Variants in PLS3 observed in about 807,000 individuals in gnomAD.
PLS3 encodes plastin 3, also known as plastin-3.
A neutral mutation model predicts 46.5 loss-of-function variants in PLS3; 11 were observed. The ratio of observed to expected loss-of-function variants is 0.24; its 90% confidence interval spans 0.15 to 0.39. PLS3 has a LOEUF of 0.39. PLS3 is among the 10% of genes least tolerant of loss of function. The pLI is 1.00. For missense variants in PLS3, 308 were observed against 461.8 expected, an observed-to-expected ratio of 0.67 and a Z score of 3.05; for synonymous variants, 167 against 162.2, an observed-to-expected ratio of 1.03 and a Z score of -0.22.
chrX:115,615,873 T>A (rs1350129099), intron 2 of PLS3, among the ~76,000 whole-genome samples: 1 of 111,863 alleles, frequency 8.9e-6, no homozygotes, highest in East Asian at 2.8e-4. Flanking sequence ...ATGTCTGCTT[T>A]ATCAGCTGGT....
chrX:115,631,372 A>G (rs956119424), intron 5 of PLS3, among the ~76,000 whole-genome samples: 1 of 109,779 alleles, frequency 9.1e-6, no homozygotes, highest in Non-Finnish European at 1.9e-5. Flanking sequence ...CGCCCGGCTG[A>G]CAGTATATAT....
chrX:115,634,323 A>G (rs1291147742), intron 6 of PLS3, among the ~76,000 whole-genome samples: 1 of 112,066 alleles, frequency 8.9e-6, no homozygotes, highest in Admixed American at 9.5e-5. Context: ...TGTTCTTTTC[A>G]TTTCATAATG....
rs2074805768 is a variant in PLS3 at position 115,634,068 on chromosome X, C to A, written c.569C>A (p.Pro190His). 8.9e-7 allele frequency: 1 copy of A among 1,125,044 alleles called. No homozygotes were observed. 92.7% of individuals were successfully genotyped at this position (1,125,044 alleles called of 1,213,427 possible). ...GCAATCAACAAGAAGAAACTTACAC[C>A]CTTCATCATTCAGGTATGCATTGTT... ...ERAINKKKLT[P>H]FIIQENLNLA... Residue 190 changes from proline to histidine, a missense_variant, in exon 6 of 16, where the codon CCC (proline) becomes CAC (histidine). Physicochemically the swap from Pro to His is moderately conservative, Grantham distance 77 (BLOSUM62 -2). Coordinates refer to ENST00000355899, the MANE Select transcript of PLS3 (RefSeq NM_005032.7).
intron 9 of PLS3, 67 bp from the exon 10 acceptor site, chrX:115,643,236 CCAGACTATGA>C (rs1556641227): frequency 1.6e-6 from 1 of 610,663 alleles, no homozygotes; most frequent in African/African-American, 2.3e-5. Flanking sequence ...AACTGTATAC[CCAGACTATGA>C]CAGTGGGGAA....
At chrX:115,628,161 G>C (rs186596165) in intron 3 of PLS3, among the ~76,000 whole-genome samples, 29 of 112,185 alleles carry the variant, frequency 2.6e-4, no homozygotes, top group South Asian at 1.1e-3. Context: ...GCTTCTGCTC[G>C]TGCCTGCTCT....
intron 1 of PLS3, among the ~76,000 whole-genome samples, chrX:115,566,677 CGTTTT>C (rs781786486): frequency 2.9e-5 from 3 of 105,024 alleles, no homozygotes; most frequent in Admixed American, 1.0e-4. Flanking sequence ...GCGCCCGGCC[CGTTTT>C]GTTTTGTTTT....
At chrX:115,577,090 G>A (rs1220834953) in intron 1 of PLS3, among the ~76,000 whole-genome samples, 1 of 112,069 alleles carries the variant, frequency 8.9e-6, no homozygotes, top group African/African-American at 3.2e-5. Context: ...TAAACTCCAT[G>A]TCCAGGGTCA....
In PLS3 at chrX:115,570,746, T is replaced by C. The variant is rs782344401; in HGVS notation, c.-9+9486T>C. Among the ~76,000 whole-genome samples the C allele has an allele frequency of 9.1e-5, 10 of 109,503 alleles. No homozygotes were observed. The South Asian group carries it at 4.0e-3, about 44-fold the overall frequency. ...CCCAGGCTGGCAAGATTTTAGAAAT[T>C]AGTGGGGTTTTTTGTGTTTTATTTA... is the stretch of plus-strand genomic sequence containing the variant. On this transcript the variant is annotated intron_variant, in intron 1 of 15. Coordinates refer to ENST00000355899, the MANE Select transcript of PLS3 (RefSeq NM_005032.7).
intron 1 of PLS3, among the ~76,000 whole-genome samples, chrX:115,573,396 G>T (rs1556630902): frequency 8.9e-6 from 1 of 112,020 alleles, no homozygotes. Context: ...GAATAAAATA[G>T]CCCTTTGGCA....
chrX:115,584,785 C>A (rs2074297673), intron 1 of PLS3, among the ~76,000 whole-genome samples: 1 of 111,675 alleles, frequency 9.0e-6, no homozygotes, highest in African/African-American at 3.3e-5. Flanking sequence ...TTAATGCTCC[C>A]TGTGGAAAAT....
intron 1 of PLS3, among the ~76,000 whole-genome samples, chrX:115,607,889 C>T (rs1416477932): frequency 9.0e-5 from 10 of 111,708 alleles, no homozygotes; most frequent in African/African-American, 3.3e-4. Flanking sequence ...ATCATATGGT[C>T]ATTTTAAAAC....
chrX:115,619,390 A>G (rs2074627293), intron 2 of PLS3, among the ~76,000 whole-genome samples: 1 of 112,313 alleles, frequency 8.9e-6, no homozygotes, highest in Non-Finnish European at 1.9e-5. Context: ...GAAAGGATGT[A>G]GGAAAAACAA....
At chrX:115,631,877 C>G (rs2074780187) in intron 5 of PLS3, among the ~76,000 whole-genome samples, 1 of 111,449 alleles carries the variant, frequency 9.0e-6, no homozygotes, top group Admixed American at 9.6e-5. Context: ...GACCTCTGCT[C>G]ACTGCATCCT....
rs782208225 is a variant in PLS3 at position 115,601,640 on chromosome X, AT to A, written c.-8-8602del. Among the ~76,000 whole-genome samples, 202 of 109,929 alleles carry A rather than the reference AT, an allele frequency of 1.8e-3. 3 individuals carry two copies. Among genetic ancestry groups the A allele is most frequent in the Admixed American group, 0.015 (150 of 10,254 alleles). ...TAGAACTTAAAGTATAATAAAAAAA[AT>A]ATATAAAAAGATAAAAAAAAAACTT... On this transcript the variant is annotated intron_variant, in intron 1 of 15. Transcript: ENST00000355899.
In PLS3 at chrX:115,606,165, C is replaced by CTTTTTTTTT. The variant is rs782575149; in HGVS notation, c.-8-4061_-8-4053dup. Among the ~76,000 whole-genome samples the CTTTTTTTTT allele has an allele frequency of 1.9e-3, 58 of 30,287 alleles. 1 individual carries two copies. The highest frequency in any genetic ancestry group is 3.8e-3 in the South Asian group (1 of 260). The allele number at this position is 30,287 out of a possible 115,157, so 26.3% of individuals were successfully genotyped here. A position where few individuals can be genotyped will look rare whatever the true frequency, so the allele number is the denominator to read the frequency against. ...TTTTCTTTCTTTTTTCTTTTCTTTT[C>CTTTTTTTTT]TTTTTTTTTTTTTTTTTTTTTTTTT... On this transcript the variant is annotated intron_variant, in intron 1 of 15. Transcript: ENST00000355899.
chrX:115,586,056 G>A (rs1556632406), intron 1 of PLS3, among the ~76,000 whole-genome samples: 3 of 106,448 alleles, frequency 2.8e-5, no homozygotes, highest in South Asian at 8.8e-4. Context: ...GTGTGATCTC[G>A]GCTCACAGCA....
intron 1 of PLS3, among the ~76,000 whole-genome samples, chrX:115,573,069 G>A (rs1483083065): frequency 9.9e-6 from 1 of 100,703 alleles, no homozygotes; most frequent in Non-Finnish European, 2.0e-5. Flanking sequence ...CTCCAGCCTG[G>A]GTGACAAGAG....
chrX:115,642,038 CTTTT>C (rs782288958), intron 9 of PLS3, among the ~76,000 whole-genome samples: 1 of 65,721 alleles, frequency 1.5e-5, no homozygotes, highest in African/African-American at 6.1e-5. Flanking sequence ...TCTTTAGGGT[CTTTT>C]TTTTTTTTTT....
chrX:115,620,706 CTTTTTTT>C (rs1176959674), intron 2 of PLS3, among the ~76,000 whole-genome samples: 109 of 54,706 alleles, frequency 2.0e-3, no homozygotes, highest in South Asian at 3.2e-3. Context: ...TTTTTCTTTT[CTTTTTTT>C]TTTTTTTTTT....
Sources: gnomAD v4.1 joint callset for allele counts (sites outside exome capture counted in the v4.1 genomes callset) on GRCh38, gnomAD v4.1.1 for gene constraint, MANE v1.5 for transcripts, NCBI Gene and HGNC (gene_info 2026-07-23, HGNC 2026-07-21) for gene names.